The following XPR1 variants were observed in gnomAD, a reference collection of about 807,000 sequenced individuals.
XPR1 encodes the protein xenotropic and polytropic retrovirus receptor 1.
Under a neutral mutation model 87.5 loss-of-function variants are expected in XPR1, and 28 were observed. That is an observed-to-expected ratio of 0.32 (90% confidence interval 0.24 to 0.44). The LOEUF is 0.44. Ranked by LOEUF, XPR1 falls within the 20% of genes least tolerant of loss-of-function variation. The probability of loss-of-function intolerance (pLI) is 1.00; values close to 1 mark genes in which losing one functional copy is unlikely to be tolerated. For missense variants in XPR1, 559 were observed against 862.3 expected, an observed-to-expected ratio of 0.65 and a Z score of 4.41; for synonymous variants, 300 against 306.1, an observed-to-expected ratio of 0.98 and a Z score of 0.21.
chr1:180,719,465 A>G (rs949654683), intron 2 of XPR1, among the ~76,000 whole-genome samples: 5 of 152,220 alleles, frequency 3.3e-5, no homozygotes, highest in Non-Finnish European at 7.3e-5. Context: ...GGCTTAGAAT[A>G]TTATTCTCTG....
intron 2 of XPR1, among the ~76,000 whole-genome samples, chr1:180,716,863 C>T (rs929555475): frequency 2.0e-5 from 3 of 152,212 alleles, no homozygotes; most frequent in African/African-American, 4.8e-5. Context: ...TAGTTGGCCT[C>T]CAGGTCCTCC....
At chr1:180,863,054 A>AT (rs1652272484) in intron 11 of XPR1, among the ~76,000 whole-genome samples, 1 of 152,144 alleles carries the variant, frequency 6.6e-6, no homozygotes, top group South Asian at 2.1e-4. Flanking sequence ...GTTACTTTAT[A>AT]GTGTTCCCAG....
chr1:180,879,173 C>G lies in XPR1; in HGVS notation c.1809-903C>G, dbSNP rs189329788. Among the ~76,000 whole-genome samples, 11 of 152,276 alleles carry G rather than the reference C, an allele frequency of 7.2e-5. No individual in the cohort carries two copies. The East Asian group carries it at 2.1e-3, about 29-fold the overall frequency. On this transcript the variant is annotated intron_variant, in intron 13 of 14. Transcript: ENST00000367590. ...GTCAGCTCCATCTTTATAAATAAAT[C>G]CTTTGTCTGTCTGCTTCTCATCACT...
intron 11 of XPR1, among the ~76,000 whole-genome samples, chr1:180,863,200 A>G (rs1262897995): frequency 1.3e-5 from 2 of 152,082 alleles, no homozygotes; most frequent in African/African-American, 2.4e-5. Flanking sequence ...GTTTTCGGGC[A>G]TTTTATCTAG....
At chr1:180,696,845 C>T (rs962884110) in intron 2 of XPR1, among the ~76,000 whole-genome samples, 4 of 152,096 alleles carry the variant, frequency 2.6e-5, no homozygotes, top group Admixed American at 6.6e-5. Flanking sequence ...CCCACTTGAT[C>T]GTGGTGCATT....
At chr1:180,784,707 G>A (rs1649068544) in intron 2 of XPR1, among the ~76,000 whole-genome samples, 2 of 151,636 alleles carry the variant, frequency 1.3e-5, no homozygotes, top group Admixed American at 6.6e-5. Context: ...TAAATTGATG[G>A]CTGGTTCACC....
intron 7 of XPR1, among the ~76,000 whole-genome samples, chr1:180,811,960 T>C (rs1221049048): frequency 1.3e-5 from 2 of 152,100 alleles, no homozygotes; most frequent in Non-Finnish European, 2.9e-5. Context: ...TCTATAGAAG[T>C]AAAAACAATT....
chr1:180,646,388 T>A (rs1230595843), intron 1 of XPR1, among the ~76,000 whole-genome samples: 2 of 151,940 alleles, frequency 1.3e-5, no homozygotes, highest in African/African-American at 4.8e-5. Context: ...CTGTTCTTCA[T>A]GTTCATGTTT....
At chr1:180,819,375 CT>C (rs1323523235) in intron 7 of XPR1, among the ~76,000 whole-genome samples, 1 of 152,076 alleles carries the variant, frequency 6.6e-6, no homozygotes, top group African/African-American at 2.4e-5. Flanking sequence ...GTTGTTGTTG[CT>C]GCTGTTTTGG....
At chr1:180,822,623 T>G (rs180836646) in intron 7 of XPR1, among the ~76,000 whole-genome samples, 173 of 152,312 alleles carry the variant, frequency 1.1e-3, no homozygotes, top group African/African-American at 3.8e-3. Context: ...GAATAAAGTT[T>G]CCTCAAGTAA....
chr1:180,647,246 C>T (rs911720324), intron 1 of XPR1, among the ~76,000 whole-genome samples: 7 of 152,202 alleles, frequency 4.6e-5, no homozygotes, highest in Non-Finnish European at 7.3e-5. Context: ...GATGAAACTT[C>T]GCTTGCTCGC....
chr1:180,733,905 A>G (rs73034870), intron 2 of XPR1, among the ~76,000 whole-genome samples: 6,531 of 152,316 alleles, frequency 0.043, 501 homozygotes, highest in African/African-American at 0.15. Flanking sequence ...CTTCCTGTAC[A>G]TCAGGCATTT....
chr1:180,686,608 A>G (rs1370909299), intron 2 of XPR1, among the ~76,000 whole-genome samples: 2 of 151,914 alleles, frequency 1.3e-5, no homozygotes, highest in Non-Finnish European at 2.9e-5. Context: ...CCATTGCTGG[A>G]TATTGTTTTA....
rs76979525 is a variant in XPR1, at chr1:180,642,882, A to G, written c.69+10612A>G. ...GTACTAGAGATTGAGTATGATGTTA[A>G]CACATAGTGAAGAGGGGAAAGGGCA... On this transcript the variant is annotated intron_variant, in intron 1 of 14. Transcript: ENST00000367590. 4.6e-3 allele frequency among the ~76,000 whole-genome samples: 695 copies of G among 152,212 alleles called. 6 individuals carry two copies. Among genetic ancestry groups the G allele is most frequent in the African/African-American group, 0.016 (666 of 41,534 alleles).
chr1:180,681,092 T>G (rs369883299), intron 1 of XPR1, among the ~76,000 whole-genome samples: 1 of 152,144 alleles, frequency 6.6e-6, no homozygotes, highest in South Asian at 2.1e-4. Flanking sequence ...GGGAGAGATT[T>G]GTTAAAGGAT....
chr1:180,723,067 C>A (rs1368079098), intron 2 of XPR1, among the ~76,000 whole-genome samples: 3 of 152,074 alleles, frequency 2.0e-5, no homozygotes, highest in East Asian at 1.9e-4. Context: ...ATTTTAAAGA[C>A]CATTTTTGTA....
chr1:180,758,568 C>T (rs1043107717), intron 2 of XPR1, among the ~76,000 whole-genome samples: 1 of 152,014 alleles, frequency 6.6e-6, no homozygotes, highest in Admixed American at 6.6e-5. Flanking sequence ...ATTAGCCAGG[C>T]ATGGTGGCGC....
At chr1:180,815,774 TA>T (rs1650385803) in intron 7 of XPR1, among the ~76,000 whole-genome samples, 1 of 152,156 alleles carries the variant, frequency 6.6e-6, no homozygotes, top group Non-Finnish European at 1.5e-5. Context: ...ACAGTGGGTA[TA>T]AGGTGTGAAA....
chr1:180,694,950 A>T (rs942349303), intron 2 of XPR1, among the ~76,000 whole-genome samples: 62 of 151,984 alleles, frequency 4.1e-4, no homozygotes, highest in African/African-American at 1.5e-3. Context: ...TTCTATTTTT[A>T]GTTTTTTTCA....
Sources: gnomAD v4.1 joint callset for allele counts (sites outside exome capture counted in the v4.1 genomes callset) on GRCh38, gnomAD v4.1.1 for gene constraint, MANE v1.5 for transcripts, NCBI Gene and HGNC (gene_info 2026-07-23, HGNC 2026-07-21) for gene names.